KALRN: variants seen among roughly 807,000 people sequenced by gnomAD.
KALRN encodes kalirin RhoGEF kinase.
KALRN carries 70 observed loss-of-function variants against 353.7 expected under a neutral mutation model. That is an observed-to-expected ratio of 0.20 (90% CI 0.16 to 0.24). The LOEUF (loss-of-function observed/expected upper bound fraction) is 0.24, where lower values mean the gene tolerates loss of function less well. KALRN is among the 10% of genes least tolerant of loss of function. The probability of loss-of-function intolerance (pLI) is 1.00; values close to 1 mark genes in which losing one functional copy is unlikely to be tolerated. For missense variants in KALRN, 2,791 were observed against 3,756.7 expected, an observed-to-expected ratio of 0.74 and a Z score of 6.72; for synonymous variants, 1,391 against 1,434.8, an observed-to-expected ratio of 0.97 and a Z score of 0.69.
At chr3:124,309,955 A>G (rs981824119) in intron 6 of KALRN, among the ~76,000 whole-genome samples, 7 of 152,240 alleles carry the variant, frequency 4.6e-5, no homozygotes, top group African/African-American at 1.7e-4. Context: ...AATAAGAGTC[A>G]TCCAAATTGG....
chr3:124,616,474 T>C (rs1326549668), intron 34 of KALRN, among the ~76,000 whole-genome samples: 1 of 152,176 alleles, frequency 6.6e-6, no homozygotes, highest in Non-Finnish European at 1.5e-5. Context: ...CAGAATACCA[T>C]CTCCAGGAGT....
intron 10 of KALRN, among the ~76,000 whole-genome samples, chr3:124,382,123 T>A (rs2087478731): frequency 6.6e-6 from 1 of 152,210 alleles, no homozygotes; most frequent in African/African-American, 2.4e-5. Flanking sequence ...TGTACCTCAG[T>A]TTCTTCATCT....
At chr3:124,580,193 T>C (rs1415089922) in intron 34 of KALRN, among the ~76,000 whole-genome samples, 3 of 152,210 alleles carry the variant, frequency 2.0e-5, no homozygotes, top group African/African-American at 7.2e-5. Context: ...TAATAATCTG[T>C]GTTTTAACAC....
intron 1 of KALRN, among the ~76,000 whole-genome samples, chr3:124,043,030 G>A (rs915426282): frequency 2.6e-5 from 4 of 152,226 alleles, no homozygotes; most frequent in African/African-American, 9.6e-5. Flanking sequence ...GGAGAACCAG[G>A]AGAGAGCAAT....
intron 47 of KALRN, among the ~76,000 whole-genome samples, chr3:124,669,904 A>G (rs2086172050): frequency 6.6e-6 from 1 of 152,180 alleles, no homozygotes; most frequent in Non-Finnish European, 1.5e-5. Context: ...TGACAAGAAA[A>G]AAAACTCTGT....
Position 124,699,968 on chromosome 3 carries a change from C to T in KALRN, c.7931C>T (p.Ala2644Val). The T allele has an allele frequency of 6.2e-7, 1 of 1,614,102 alleles. No homozygotes were observed. The highest frequency in any genetic ancestry group is 8.5e-7 in the Non-Finnish European group (1 of 1,180,000). ...PGCPYQFRVS[A>V]SNPWGISLPS... ...TGTCCTTATCAGTTCAGAGTCAGTG[C>T]CAGTAACCCCTGGGGAATCAGCCTT... Residue 2644 changes from alanine to valine, a missense_variant, in exon 56 of 60, where the codon GCC becomes GTC. Around this residue, in one of 11 missense-constraint regions of KALRN, gnomAD observed 1,065 missense variants for 1,156.4 expected, o/e 0.92. Transcript: ENST00000682506.
At chr3:124,433,937 C>G (rs1238537962) in intron 16 of KALRN, among the ~76,000 whole-genome samples, 1 of 152,130 alleles carries the variant, frequency 6.6e-6, no homozygotes, top group African/African-American at 2.4e-5. Flanking sequence ...CCTTCGAAAA[C>G]TCAATGTACA....
At chr3:124,306,015 TAAATG>T (rs1327200927) in intron 6 of KALRN, among the ~76,000 whole-genome samples, 4 of 152,196 alleles carry the variant, frequency 2.6e-5, no homozygotes, top group Admixed American at 1.3e-4. Flanking sequence ...GTTGAAGAAT[TAAATG>T]AAAGCATAAT....
intron 11 of KALRN, among the ~76,000 whole-genome samples, chr3:124,392,780 T>A (rs970322593): frequency 6.3e-5 from 9 of 143,362 alleles, no homozygotes; most frequent in African/African-American, 2.3e-4. Flanking sequence ...AATTTTTGTA[T>A]TTTTTTTTAT....
intron 3 of KALRN, among the ~76,000 whole-genome samples, chr3:124,262,096 G>T (rs548708797): frequency 6.6e-6 from 1 of 152,098 alleles, no homozygotes; most frequent in South Asian, 2.1e-4. Context: ...ATACAGGAAG[G>T]GGGTGGTACT....
At chr3:124,270,306 A>G (rs75846678) in intron 5 of KALRN, among the ~76,000 whole-genome samples, 2,910 of 152,298 alleles carry the variant, frequency 0.019, 38 homozygotes, top group Middle Eastern at 0.034. Flanking sequence ...TCATATTGAA[A>G]AATGTCTCTA....
chr3:124,654,214 C>A (rs112737573), intron 38 of KALRN, among the ~76,000 whole-genome samples: 4 of 152,280 alleles, frequency 2.6e-5, no homozygotes, highest in African/African-American at 9.6e-5. Flanking sequence ...TTGGCCTTGC[C>A]AGTTCCTTCC....
chr3:124,499,932 C>G (rs745939191), intron 33 of KALRN, among the ~76,000 whole-genome samples: 43 of 152,184 alleles, frequency 2.8e-4, no homozygotes, highest in Non-Finnish European at 5.7e-4. Context: ...TTGCCTTCAT[C>G]TGGATTTACT....
chr3:124,415,678 GCTTAAATAGT>G (rs1474809937), intron 14 of KALRN, among the ~76,000 whole-genome samples: 1 of 152,222 alleles, frequency 6.6e-6, no homozygotes, highest in Non-Finnish European at 1.5e-5. Context: ...AGGCAGTGTT[GCTTAAATAGT>G]CTAAGGGTGA....
chr3:124,329,952 A>T lies in KALRN; in HGVS notation c.1376A>T (p.His459Leu). 1 of 1,613,820 alleles carries T rather than the reference A, an allele frequency of 6.2e-7. No homozygotes were observed. Among genetic ancestry groups the T allele is most frequent in the Non-Finnish European group, 8.5e-7 (1 of 1,179,922 alleles). Reference protein sequence around the residue: ...MQDLELAIHHHQTLYEQVTQA... With the variant: ...MQDLELAIHHLQTLYEQVTQA... ...GACCTAGAGCTGGCAATCCACCACC[A>T]CCAGACCTTGTATGAGCAGGTGACC... Residue 459 changes from histidine (H) to leucine (L), a missense_variant, in exon 8 of 60, where the codon CAC becomes CTC. Around this residue, in one of 11 missense-constraint regions of KALRN, gnomAD observed 366 missense variants for 489.2 expected, o/e 0.75. Coordinates refer to ENST00000682506, the MANE Select transcript of KALRN (RefSeq NM_001388419.1).
At position 124,585,008 on chromosome 3, in the gene KALRN, G is replaced by A. The variant is rs1269029635; in HGVS notation, c.5182+21919G>A. Reference sequence around the variant, plus strand: ...AGGGAAGGGTTGGGGAGGCCTCTGGGGTAGGCGGATGGGGCTGGGGATCAG... The same window carrying A: ...AGGGAAGGGTTGGGGAGGCCTCTGGAGTAGGCGGATGGGGCTGGGGATCAG... On this transcript the variant is annotated intron_variant, in intron 34 of 59. Coordinates refer to ENST00000682506, the MANE Select transcript of KALRN (RefSeq NM_001388419.1). The A allele has an allele frequency of 7.2e-6, 10 of 1,387,518 alleles. No individual in the cohort carries two copies. In the African/African-American group the frequency reaches 1.2e-4, roughly 17 times the overall value. 86.0% of individuals were successfully genotyped at this position (1,387,518 alleles called of 1,614,324 possible).
chr3:124,535,278 T>C (rs1050123045), intron 33 of KALRN, among the ~76,000 whole-genome samples: 1 of 152,130 alleles, frequency 6.6e-6, no homozygotes, highest in Non-Finnish European at 1.5e-5. Context: ...ACAGATATGC[T>C]CACAAAACTC....
At chr3:124,536,953 T>G (rs2068567841) in intron 33 of KALRN, among the ~76,000 whole-genome samples, 1 of 152,244 alleles carries the variant, frequency 6.6e-6, no homozygotes, top group South Asian at 2.1e-4. Flanking sequence ...GCAGGGGATG[T>G]AGAAGTTTCA....
intron 1 of KALRN, among the ~76,000 whole-genome samples, chr3:124,142,364 G>T (rs2066737250): frequency 6.6e-6 from 1 of 152,200 alleles, no homozygotes. Flanking sequence ...CAGCTTGAGG[G>T]CTGTCTCTAT....
Sources: allele counts gnomAD v4.1 joint callset (sites outside exome capture counted in the v4.1 genomes callset), GRCh38; gene constraint gnomAD v4.1.1; regional missense constraint gnomAD v4.1.1; transcripts MANE v1.5; gene names NCBI Gene and HGNC (gene_info 2026-07-23, HGNC 2026-07-21).